Variants in TM9SF3 observed in about 807,000 individuals in gnomAD.
TM9SF3 encodes transmembrane 9 superfamily member 3, also known as SM-11044-binding protein.
A neutral mutation model predicts 78.6 loss-of-function variants in TM9SF3; 14 were observed. The observed-to-expected ratio is 0.18, with a 90% CI of 0.12 to 0.28. The LOEUF (loss-of-function observed/expected upper bound fraction) is 0.28. Among genes scored for constraint, TM9SF3 ranks in the 10% least tolerant of loss-of-function variants. The probability of loss-of-function intolerance (pLI) is 1.00; values close to 1 mark genes in which losing one functional copy is unlikely to be tolerated. For synonymous variants in TM9SF3, 231 were observed against 241.7 expected, an observed-to-expected ratio of 0.96 and a Z score of 0.41; for missense variants, 496 against 721.9, an observed-to-expected ratio of 0.69 and a Z score of 3.59.
At chr10:96,542,862 A>G (rs1848050591) in intron 9 of TM9SF3, among the ~76,000 whole-genome samples, 2 of 152,244 alleles carry the variant, frequency 1.3e-5, no homozygotes. Flanking sequence ...ATAAAAATGT[A>G]TAATATTCAA....
chr10:96,569,280 C>T, intron 2 of TM9SF3, among the ~76,000 whole-genome samples: 1 of 152,180 alleles, frequency 6.6e-6, no homozygotes, highest in Non-Finnish European at 1.5e-5. Flanking sequence ...CTTTCCCTTG[C>T]CCACCCCCTG....
intron 4 of TM9SF3, among the ~76,000 whole-genome samples, chr10:96,561,253 TAA>T (rs11309165): frequency 7.2e-5 from 11 of 151,810 alleles, no homozygotes; most frequent in African/African-American, 2.7e-4. Flanking sequence ...GAATGAATAA[TAA>T]AAAAAAATCT....
intron 5 of TM9SF3, among the ~76,000 whole-genome samples, chr10:96,556,911 T>C (rs181048041): frequency 6.6e-6 from 1 of 152,296 alleles, no homozygotes; most frequent in East Asian, 1.9e-4. Context: ...ACTTGACCCA[T>C]CAGCAAAAAT....
intron 3 of TM9SF3, among the ~76,000 whole-genome samples, chr10:96,562,695 A>G (rs956269724): frequency 6.6e-6 from 1 of 152,208 alleles, no homozygotes; most frequent in Non-Finnish European, 1.5e-5. Flanking sequence ...TCAGCAAAAT[A>G]AAAGGAGTGG....
In TM9SF3 at chr10:96,580,351, C is replaced by T. The variant is rs182278073; in HGVS notation, c.103-3522G>A. On this transcript the variant is annotated intron_variant, in intron 1 of 14. Coordinates refer to ENST00000371142, the MANE Select transcript of TM9SF3 (RefSeq NM_020123.4). Reference sequence around the variant, plus strand: ...TGCAATCTCGGCTCACTGAAAGCTCCGCCTCCCAGGTTCACGCCATTCTCC... The same window carrying T: ...TGCAATCTCGGCTCACTGAAAGCTCTGCCTCCCAGGTTCACGCCATTCTCC... Among the ~76,000 whole-genome samples, 133 of 152,184 alleles carry T rather than the reference C, an allele frequency of 8.7e-4. 1 individual carries two copies. Among genetic ancestry groups the T allele is most frequent in the Non-Finnish European group, 1.4e-3 (97 of 68,012 alleles).
chr10:96,562,272 C>A, intron 3 of TM9SF3, 134 bp from the exon 4 acceptor site: 2 of 678,386 alleles, frequency 2.9e-6, no homozygotes, highest in South Asian at 1.9e-5. Flanking sequence ...CCACTCTTGA[C>A]TCTCCCTTCA....
intron 6 of TM9SF3, among the ~76,000 whole-genome samples, chr10:96,551,930 T>C (rs12763501): frequency 1.3e-5 from 2 of 149,316 alleles, no homozygotes; most frequent in African/African-American, 2.5e-5. Context: ...TGCATTTTTT[T>C]AAAAAGAATT....
intron 9 of TM9SF3, among the ~76,000 whole-genome samples, chr10:96,537,468 C>T (rs1847972482): frequency 6.6e-6 from 1 of 152,300 alleles, no homozygotes; most frequent in South Asian, 2.1e-4. Context: ...TGTGTAACAA[C>T]TCATTTCACA....
chr10:96,561,984 T>C lies in TM9SF3; in HGVS notation c.576A>G (p.Ser192=), dbSNP rs764399968. 19 of 1,609,796 alleles carry C rather than the reference T, an allele frequency of 1.2e-5. No individual in the cohort carries two copies. Among genetic ancestry groups the C allele is most frequent in the Middle Eastern group, 1.7e-4 (1 of 6,058 alleles). The change falls in exon 4 of 15, where the codon TCA becomes TCG. Residue 192 remains serine (S), a synonymous_variant. Transcript: ENST00000371142. The part of the protein sequence containing the change: ...KLVPNTKIQM[S]YSVKWKKSDV... ...AAACTATTTGAATACTTACTGAATA[T>C]GACATCTGGATTTTAGTATTTGGAA...
At chr10:96,547,070 G>T (rs559512916) in intron 8 of TM9SF3, among the ~76,000 whole-genome samples, 49 of 152,284 alleles carry the variant, frequency 3.2e-4, no homozygotes, top group African/African-American at 1.1e-3. Context: ...TCAATTTCAG[G>T]TAATAGTAGT....
chr10:96,566,353 TTAAACA>T (rs142295687), intron 2 of TM9SF3, among the ~76,000 whole-genome samples: 4,768 of 152,284 alleles, frequency 0.031, 239 homozygotes, highest in African/African-American at 0.11. Flanking sequence ...TCAAAAGTTC[TTAAACA>T]TAAATTGTAG....
intron 1 of TM9SF3, among the ~76,000 whole-genome samples, chr10:96,579,768 T>C (rs1308032079): frequency 1.3e-5 from 2 of 152,242 alleles, no homozygotes; most frequent in African/African-American, 2.4e-5. Context: ...TGTGGTTTAA[T>C]ACAATTAACT....
rs148574073 is a variant in TM9SF3, at chr10:96,537,876, C to T, written c.1186-4686G>A. Among the ~76,000 whole-genome samples, 678 of 152,226 alleles carry T rather than the reference C, an allele frequency of 4.5e-3. 6 individuals are homozygous for T. The highest frequency in any genetic ancestry group is 6.9e-3 in the Non-Finnish European group (467 of 68,010). ...GAACACTAAAATCTATGAAACGTTG[C>T]TGAGAAAAATTAAAGGTATCTAAAT... On this transcript the variant is annotated intron_variant, in intron 9 of 14. Coordinates refer to ENST00000371142, the MANE Select transcript of TM9SF3 (RefSeq NM_020123.4).
chr10:96,540,064 G>A (rs1025074731), intron 9 of TM9SF3, among the ~76,000 whole-genome samples: 2 of 152,068 alleles, frequency 1.3e-5, no homozygotes, highest in Non-Finnish European at 2.9e-5. Flanking sequence ...CTTAGATTTG[G>A]CACATCATTT....
intron 3 of TM9SF3, among the ~76,000 whole-genome samples, chr10:96,563,084 T>C (rs148572849): frequency 1.6e-3 from 244 of 152,324 alleles, no homozygotes; most frequent in African/African-American, 5.5e-3. Flanking sequence ...TTATCTTTAT[T>C]TGTTATTGAA....
In TM9SF3 at chr10:96,521,040, T is replaced by C. The variant is rs921041427; in HGVS notation, c.*1223A>G. On this transcript the variant is annotated 3_prime_UTR_variant, in exon 15 of 15. Transcript: ENST00000371142. Reference sequence around the variant, plus strand: ...AAAGCAATAATGCTTTAGATGTTACTTAAGTGTCCCAGACAGGATTAACAA... The same window carrying C: ...AAAGCAATAATGCTTTAGATGTTACCTAAGTGTCCCAGACAGGATTAACAA... 5 of 393,946 alleles carry C rather than the reference T, an allele frequency of 1.3e-5. No individual in the cohort carries two copies. Among genetic ancestry groups the C allele is most frequent in the Non-Finnish European group, 1.8e-5 (4 of 222,288 alleles). 24.4% of individuals were successfully genotyped at this position (393,946 alleles called of 1,614,324 possible). A position where few individuals can be genotyped will look rare whatever the true frequency, so the allele number is the denominator to read the frequency against.
chr10:96,540,707 C>T (rs1342046760), intron 9 of TM9SF3, among the ~76,000 whole-genome samples: 1 of 146,486 alleles, frequency 6.8e-6, no homozygotes, highest in South Asian at 2.2e-4. Flanking sequence ...CTTGCTTTAG[C>T]GTTTGTGAAC....
At chr10:96,571,041 T>C (rs1020247517) in intron 2 of TM9SF3, among the ~76,000 whole-genome samples, 1 of 152,070 alleles carries the variant, frequency 6.6e-6, no homozygotes, top group Admixed American at 6.5e-5. Context: ...CCCCCGGCCA[T>C]GGGAAAAAGA....
rs1174903581 is a variant in TM9SF3 at position 96,551,267 on chromosome 10, T to C, written c.937A>G (p.Met313Val). The change falls in exon 7 of 15, where the codon ATG (methionine) becomes GTG (valine). Residue 313 changes from methionine to valine, a missense_variant. Physicochemically the swap from Met to Val is conservative, Grantham distance 21. Around this residue, in one of 4 missense-constraint regions of TM9SF3, gnomAD observed 280 missense variants for 422.6 expected, o/e 0.66. Coordinates refer to ENST00000371142, the MANE Select transcript of TM9SF3 (RefSeq NM_020123.4). ...TACTCAGTATATAAATCTTCTATCA[T>C]TGCAACAATAATAACGATGAGAGAC... is the stretch of plus-strand genomic sequence containing the variant. ...AVSLIVIIVA[M>V]IEDLYTERGS... 3 of 1,611,852 alleles carry C rather than the reference T, an allele frequency of 1.9e-6. No individual in the cohort carries two copies. The highest frequency in any genetic ancestry group is 2.5e-6 in the Non-Finnish European group (3 of 1,179,386).
Sources: gnomAD v4.1 joint callset for allele counts (sites outside exome capture counted in the v4.1 genomes callset) on GRCh38, gnomAD v4.1.1 for gene constraint, gnomAD v4.1.1 regional missense constraint, MANE v1.5 for transcripts, NCBI Gene and HGNC (gene_info 2026-07-23, HGNC 2026-07-21) for gene names.